The following OSGEPL1 variants were observed in gnomAD, a reference collection of about 807,000 sequenced individuals.
OSGEPL1 encodes O-sialoglycoprotein endopeptidase like 1.
Under a neutral mutation model 37.2 loss-of-function variants are expected in OSGEPL1, and 26 were observed. The ratio of observed to expected loss-of-function variants is 0.70; its 90% CI spans 0.51 to 0.97. OSGEPL1 has a LOEUF of 0.97. OSGEPL1 is among the 50% of genes least tolerant of loss of function. The pLI is 0.00. For missense variants in OSGEPL1, 404 were observed against 487.0 expected (o/e 0.83, Z 1.60); for synonymous variants, 140 against 159.9 (o/e 0.88, Z 0.94).
chr2:189,746,813 A>G lies in OSGEPL1; in HGVS notation c.*384T>C, dbSNP rs2044223328. The G allele has an allele frequency of 5.0e-6, 3 of 599,084 alleles. No homozygotes were observed. Among genetic ancestry groups the G allele is most frequent in the Non-Finnish European group, 7.7e-6 (3 of 390,612 alleles). The allele number at this position is 599,084 out of a possible 1,614,324, so 37.1% of individuals were successfully genotyped here. On this transcript the variant is annotated 3_prime_UTR_variant, in exon 9 of 9. Transcript: ENST00000264151. ...AGTGTCAGGTCAGAGTTATGGTTTC[A>G]AAAAATTAGGATTTCTGTAAACAAA...
In OSGEPL1 at chr2:189,752,609, T is replaced by C. The variant is rs2045449587; in HGVS notation, c.1166+44A>G. On this transcript the variant is annotated intron_variant, in intron 7 of 8. Coordinates refer to ENST00000264151, the MANE Select transcript of OSGEPL1 (RefSeq NM_022353.3). ...TAAAGGCAAAATCCAGGCTTTGTCT[T>C]AAGTAATGTAACTTGCATAAAGATC... 3.1e-6 allele frequency: 5 copies of C among 1,596,504 alleles called. No homozygotes were observed. In the Admixed American group the frequency reaches 6.7e-5, roughly 21 times the overall value.
chr2:189,758,707 T>C (rs1476021103), intron 2 of OSGEPL1, among the ~76,000 whole-genome samples: 1 of 152,204 alleles, frequency 6.6e-6, no homozygotes, highest in East Asian at 1.9e-4. Flanking sequence ...AACATTGTGT[T>C]AGGCACTAGG....
At position 189,762,787 on chromosome 2, in the gene OSGEPL1, A is replaced by C; in HGVS notation, c.-123T>G. The stretch of plus-strand genomic sequence containing the variant: ...AGAAAGCCCGAACCTGGCGCCCGGA[A>C]GTGATGTCATCGGAACTGTGCAAGG... On this transcript the variant is annotated 5_prime_UTR_variant, in exon 1 of 9. Coordinates refer to ENST00000264151, the MANE Select transcript of OSGEPL1 (RefSeq NM_022353.3). 3.0e-6 allele frequency: 3 copies of C among 985,406 alleles called. No homozygotes were observed. Among genetic ancestry groups the C allele is most frequent in the Non-Finnish European group, 3.6e-6 (3 of 830,052 alleles). 61.0% of individuals were successfully genotyped at this position (985,406 alleles called of 1,614,324 possible).
Position 189,755,470 on chromosome 2 carries a change from G to T in OSGEPL1, c.312C>A (p.Val104=), listed in dbSNP as rs751905195. Residue 104 remains valine (V), a synonymous_variant, in exon 3 of 9, where the codon GTC becomes GTA. Coordinates refer to ENST00000264151, the MANE Select transcript of OSGEPL1 (RefSeq NM_022353.3). ...CAATTGCTGAGAGGTCACTTGGAGAGACTCCACTGGCAGAAAGAGCTTCTT... is the reference window on the plus strand; with the variant it reads ...CAATTGCTGAGAGGTCACTTGGAGATACTCCACTGGCAGAAAGAGCTTCTT... ...IVQEALSASG[V]SPSDLSAIAT... The T allele has an allele frequency of 1.9e-6, 3 of 1,602,954 alleles. No individual in the cohort carries two copies. The African/African-American group carries it at 4.1e-5, about 22-fold the overall frequency.
upstream of OSGEPL1, chr2:189,762,865 A>G (rs1410854423): frequency 2.4e-5 from 24 of 985,444 alleles, no homozygotes; most frequent in East Asian, 4.5e-4. Flanking sequence ...CTTAGTGAAG[A>G]AAAGCTTAAA....
intron 7 of OSGEPL1, 126 bp from the exon 8 acceptor site, chr2:189,750,782 G>A (rs1392482021): frequency 3.1e-6 from 2 of 635,368 alleles, no homozygotes; most frequent in African/African-American, 3.8e-5. Flanking sequence ...ATGTGGTGAT[G>A]ATTCTTAAAT....
In OSGEPL1 at chr2:189,754,236, T is replaced by G. The variant is rs1242546127; in HGVS notation, c.719A>C (p.Lys240Thr). The change falls in exon 4 of 9, where the codon AAA becomes ACA. Residue 240 changes from lysine to threonine, a missense_variant. By Grantham distance (78) the Lys-to-Thr change is moderately conservative. Transcript: ENST00000264151. The part of the protein sequence containing the change: ...KQGNRFHFDI[K>T]PPLHHAKNCD... ...ATTTTTAGCATGATGCAAGGGAGGT[T>G]TGATGTCAAAATGAAATCTATTTCC... 3.1e-6 allele frequency: 5 copies of G among 1,613,912 alleles called. No individual in the cohort carries two copies. Among genetic ancestry groups the G allele is most frequent in the Non-Finnish European group, 3.4e-6 (4 of 1,179,834 alleles).
rs757479183 is a variant in OSGEPL1, at chr2:189,750,639, T to C, written c.1184A>G (p.Asp395Gly). ...RYEPKCPLGV[D>G]ISKEVGEASI... is the part of the protein sequence containing the mutation. ...AGCTTCTCCAACTTCTTTTGATATG[T>C]CTACTCCAAGAGGACATCTACATCA... The change falls in exon 8 of 9, where the codon GAC becomes GGC. Residue 395 changes from aspartate to glycine, a missense_variant. Coordinates refer to ENST00000264151, the MANE Select transcript of OSGEPL1 (RefSeq NM_022353.3). The C allele has an allele frequency of 2.1e-5, 34 of 1,586,360 alleles. No individual in the cohort carries two copies. The highest frequency in any genetic ancestry group is 2.9e-5 in the Non-Finnish European group (34 of 1,166,344).
At chr2:189,762,832 C>T (rs150505519), upstream of OSGEPL1, 604 of 985,464 alleles carry the variant, frequency 6.1e-4, 13 homozygotes, top group Admixed American at 0.027. Flanking sequence ...GAGCTGGCTG[C>T]TGTTCCGCTA....
At chr2:189,756,283 C>G (rs1163106988) in intron 2 of OSGEPL1, among the ~76,000 whole-genome samples, 1 of 152,112 alleles carries the variant, frequency 6.6e-6, no homozygotes, top group Admixed American at 6.5e-5. Context: ...TGGATGGCCA[C>G]TCCAAATATC....
At chr2:189,756,460 T>C (rs1574891121) in intron 2 of OSGEPL1, among the ~76,000 whole-genome samples, 1 of 152,208 alleles carries the variant, frequency 6.6e-6, no homozygotes, top group Non-Finnish European at 1.5e-5. Flanking sequence ...ACTAGTTCTA[T>C]GTGTAGAAAT....
chr2:189,753,842 C>T (rs1574868833), intron 5 of OSGEPL1, 74 bp downstream of exon 5: 2 of 1,489,394 alleles, frequency 1.3e-6, no homozygotes, highest in African/African-American at 1.4e-5. Context: ...ATCCTAAACA[C>T]AAGGTCAAGG....
intron 5 of OSGEPL1, among the ~76,000 whole-genome samples, chr2:189,753,702 C>T (rs2045641992): frequency 1.3e-5 from 2 of 152,294 alleles, no homozygotes; most frequent in South Asian, 4.1e-4. Flanking sequence ...CAAAATTAGA[C>T]TTATGTGCCA....
intron 4 of OSGEPL1, 36 bp downstream of exon 4, chr2:189,754,105 T>C: frequency 6.2e-7 from 1 of 1,612,022 alleles, no homozygotes; most frequent in Non-Finnish European, 8.5e-7. Flanking sequence ...AATCCAGGAA[T>C]ATTTATCTGT....
At chr2:189,758,612 A>G (rs937333458) in intron 2 of OSGEPL1, among the ~76,000 whole-genome samples, 2 of 152,216 alleles carry the variant, frequency 1.3e-5, no homozygotes, top group East Asian at 3.9e-4. Context: ...CAGTGCAAGA[A>G]TGAACTAACA....
At chr2:189,747,827 A>T (rs1429569117) in intron 8 of OSGEPL1, among the ~76,000 whole-genome samples, 1 of 152,152 alleles carries the variant, frequency 6.6e-6, no homozygotes, top group Non-Finnish European at 1.5e-5. Flanking sequence ...CTGCGGTTAC[A>T]GGCGCCTGCC....
chr2:189,757,709 G>A (rs2046290649), intron 2 of OSGEPL1, among the ~76,000 whole-genome samples: 2 of 152,164 alleles, frequency 1.3e-5, no homozygotes, highest in South Asian at 4.1e-4. Flanking sequence ...ATGGTGAGCT[G>A]TTCAAAGGCA....
chr2:189,757,396 A>G (rs950840671), intron 2 of OSGEPL1, among the ~76,000 whole-genome samples: 1 of 152,212 alleles, frequency 6.6e-6, no homozygotes, highest in Non-Finnish European at 1.5e-5. Flanking sequence ...CTGTTTCACA[A>G]TGATCTGCTT....
intron 2 of OSGEPL1, among the ~76,000 whole-genome samples, chr2:189,758,787 T>C (rs1385757399): frequency 6.6e-6 from 1 of 152,222 alleles, no homozygotes. Context: ...AGAGAGATTA[T>C]ACATACACAA....
Sources: gnomAD v4.1 joint callset for allele counts (sites outside exome capture counted in the v4.1 genomes callset) on GRCh38, gnomAD v4.1.1 for gene constraint, MANE v1.5 for transcripts, NCBI Gene and HGNC (gene_info 2026-07-23, HGNC 2026-07-21) for gene names.